NCOR1: variants seen among roughly 807,000 people sequenced by gnomAD.
NCOR1 encodes nuclear receptor corepressor 1.
In NCOR1, 63 loss-of-function variants were observed where a neutral mutation model predicts 288.1. The observed-to-expected ratio is 0.22, with a 90% confidence interval of 0.18 to 0.27. The LOEUF is 0.27. Ranked by LOEUF, NCOR1 falls within the 10% of genes least tolerant of loss-of-function variation. The pLI is 1.00. For missense variants in NCOR1, 2,397 were observed against 3,019.2 expected, an observed-to-expected ratio of 0.79 and a Z score of 4.83; for synonymous variants, 1,007 against 1,065.9, an observed-to-expected ratio of 0.94 and a Z score of 1.08.
intron 12 of NCOR1, among the ~76,000 whole-genome samples, 189 bp downstream of exon 12, chr17:16,138,819 A>G (rs1395505822): frequency 2.0e-5 from 3 of 152,180 alleles, no homozygotes; most frequent in Non-Finnish European, 2.9e-5. Flanking sequence ...CCCAGTTCTT[A>G]TCTGTTACCT....
chr17:16,167,730 C>T (rs543028721), intron 4 of NCOR1, among the ~76,000 whole-genome samples: 22 of 151,248 alleles, frequency 1.5e-4, no homozygotes, highest in African/African-American at 5.3e-4. Flanking sequence ...TGTGGTGGTG[C>T]GAGCCTGTAA....
At chr17:16,157,122 C>CT (rs890651755) in intron 6 of NCOR1, among the ~76,000 whole-genome samples, 117 of 148,416 alleles carry the variant, frequency 7.9e-4, no homozygotes, top group African/African-American at 1.9e-3. Flanking sequence ...ATGCAGAGGA[C>CT]TTTTTTTTTT....
chr17:16,155,246 G>C (rs1310301392), intron 6 of NCOR1, among the ~76,000 whole-genome samples: 1 of 151,840 alleles, frequency 6.6e-6, no homozygotes, highest in African/African-American at 2.4e-5. Context: ...AGCTACTTGG[G>C]AGGCTGAGGC....
intron 40 of NCOR1, among the ~76,000 whole-genome samples, chr17:16,052,442 CACAA>C (rs1340094711): frequency 6.6e-5 from 10 of 152,202 alleles, no homozygotes; most frequent in South Asian, 6.2e-4. Flanking sequence ...CCCACAGAAA[CACAA>C]ACAATCATAA....
intron 18 of NCOR1, 60 bp from the exon 19 acceptor site, chr17:16,108,972 C>A (rs2153057880): frequency 7.2e-7 from 1 of 1,382,966 alleles, no homozygotes; most frequent in South Asian, 1.5e-5. Context: ...AAATTCATTT[C>A]TGAAATAATG....
At chr17:16,164,805 G>C (rs2081666687) in intron 5 of NCOR1, 174 bp downstream of exon 5, 2 of 493,494 alleles carry the variant, frequency 4.1e-6, no homozygotes, top group Non-Finnish European at 7.2e-6. Flanking sequence ...AGACAGTGCA[G>C]CAAGGAAAAT....
At chr17:16,107,060 C>CT (rs1230236728) in intron 19 of NCOR1, among the ~76,000 whole-genome samples, 2 of 150,444 alleles carry the variant, frequency 1.3e-5, no homozygotes, top group African/African-American at 2.4e-5. Flanking sequence ...GCCCGGCTAA[C>CT]TTTTTTTTGT....
chr17:16,097,992 CATACATTTGGT>C (rs1333948915), intron 21 of NCOR1, among the ~76,000 whole-genome samples: 1 of 152,142 alleles, frequency 6.6e-6, no homozygotes, highest in Non-Finnish European at 1.5e-5. Context: ...GGAAAAAGCC[CATACATTTGGT>C]ATAGTAAGTA....
rs2061018868 is a variant in NCOR1 at position 16,065,476 on chromosome 17, GAC to G, written c.4951+7_4951+8del. The G allele has an allele frequency of 1.9e-6, 3 of 1,613,710 alleles. No homozygotes were observed. The highest frequency in any genetic ancestry group is 1.3e-5 in the African/African-American group (1 of 74,924). ...AATTCTACGAAATCTGAAATGCAAAGACACACACCTCTCGTTGCTGGGTATGG... is the reference window on the plus strand; with the variant it reads ...AATTCTACGAAATCTGAAATGCAAAGACACACCTCTCGTTGCTGGGTATGG... On this transcript the variant is annotated splice_region_variant and intron_variant, in intron 33 of 45. Transcript: ENST00000268712.
chr17:16,145,189 G>A (rs182635380), intron 10 of NCOR1, among the ~76,000 whole-genome samples: 8 of 152,320 alleles, frequency 5.3e-5, no homozygotes, highest in African/African-American at 1.2e-4. Flanking sequence ...ACGGAGTCTC[G>A]CTCACTCAGT....
At chr17:16,065,784 C>G in intron 32 of NCOR1, 90 bp from the exon 33 acceptor site, 2 of 1,183,390 alleles carry the variant, frequency 1.7e-6, no homozygotes, top group Admixed American at 1.9e-5. Context: ...AGAGAAAAAT[C>G]ACATGCTGAG....
chr17:16,113,986 A>C (rs911499627), intron 18 of NCOR1, among the ~76,000 whole-genome samples: 3 of 152,074 alleles, frequency 2.0e-5, no homozygotes, highest in Admixed American at 2.0e-4. Flanking sequence ...ATGATCCATT[A>C]TGTATTAGTT....
At chr17:16,150,176 G>A (rs1425879837) in intron 8 of NCOR1, among the ~76,000 whole-genome samples, 1 of 152,058 alleles carries the variant, frequency 6.6e-6, no homozygotes, top group African/African-American at 2.4e-5. Flanking sequence ...ATTTCAAGCT[G>A]ATTATTCAAA....
chr17:16,091,740 T>G (rs1366389133), intron 22 of NCOR1, 123 bp downstream of exon 22: 3 of 1,535,138 alleles, frequency 2.0e-6, no homozygotes, highest in Non-Finnish European at 2.6e-6. Flanking sequence ...ACTGTGTCTG[T>G]TAGGACAAAT....
At chr17:16,098,264 C>A in intron 21 of NCOR1, 103 bp downstream of exon 21, 7 of 1,128,092 alleles carry the variant, frequency 6.2e-6, no homozygotes, top group Admixed American at 2.3e-5. Context: ...ATGTTTTGTA[C>A]CACTATTTTT....
At chr17:16,077,876 G>A (rs2062799639) in intron 26 of NCOR1, among the ~76,000 whole-genome samples, 1 of 152,116 alleles carries the variant, frequency 6.6e-6, no homozygotes. Flanking sequence ...AAAATAAGAT[G>A]ATAAAGTAGT....
intron 9 of NCOR1, 54 bp downstream of exon 9, chr17:16,149,397 T>C: frequency 1.9e-6 from 2 of 1,062,046 alleles, no homozygotes; most frequent in Non-Finnish European, 1.4e-6. Context: ...AATGCCTAAA[T>C]GAGCATGAAT....
chr17:16,064,798 C>A, intron 34 of NCOR1, 72 bp downstream of exon 34: 8 of 1,405,154 alleles, frequency 5.7e-6, no homozygotes, highest in South Asian at 1.6e-5. Flanking sequence ...CCCAAGATAC[C>A]TTAAAAGGCT....
chr17:16,061,494 C>A lies in NCOR1; in HGVS notation c.5788G>T (p.Ala1930Ser), dbSNP rs112206896. The A allele has an allele frequency of 6.2e-7, 1 of 1,614,116 alleles. No individual in the cohort carries two copies. Among genetic ancestry groups the A allele is most frequent in the Non-Finnish European group, 8.5e-7 (1 of 1,180,054 alleles). Residue 1930 changes from alanine (A) to serine (S), a missense_variant, in exon 37 of 46, where the codon GCT becomes TCT. This residue lies in a region of NCOR1 where 1,872 missense variants were observed against 2,187.8 expected (regional missense o/e 0.86). Coordinates refer to ENST00000268712, the MANE Select transcript of NCOR1 (RefSeq NM_006311.4). ...RTRGKTTITA[A>S]NFIDVIITRQ... ...GTGATGATCACGTCTATGAAGTTAG[C>A]TGCAGTAATGGTAGTCTTCCCTCTG... is the stretch of plus-strand genomic sequence containing the variant.
Sources: allele counts gnomAD v4.1 joint callset (sites outside exome capture counted in the v4.1 genomes callset), GRCh38; gene constraint gnomAD v4.1.1; regional missense constraint gnomAD v4.1.1; transcripts MANE v1.5; gene names NCBI Gene and HGNC (gene_info 2026-07-23, HGNC 2026-07-21).